NRF1: variants seen among roughly 807,000 people sequenced by gnomAD.
The protein encoded by NRF1 is alpha palindromic-binding protein.
In NRF1, 5 loss-of-function variants were observed where a neutral mutation model predicts 58.5. The observed-to-expected ratio is 0.09, with a 90% CI of 0.04 to 0.18. NRF1 has a LOEUF of 0.18. NRF1 is among the 10% of genes least tolerant of loss of function. The probability of loss-of-function intolerance (pLI) is 1.00; values close to 1 mark genes in which losing one functional copy is unlikely to be tolerated. For synonymous variants in NRF1, 224 were observed against 246.7 expected (o/e 0.91, Z 0.86); for missense variants, 288 against 657.7 (o/e 0.44, Z 6.15).
At position 129,673,169 on chromosome 7, in the gene NRF1, A is replaced by G. The variant is rs112331058; in HGVS notation, c.338+1626A>G. Among the ~76,000 whole-genome samples the G allele has an allele frequency of 6.1e-3, 935 of 152,312 alleles. 7 individuals carry two copies. Among genetic ancestry groups the G allele is most frequent in the African/African-American group, 0.021 (886 of 41,568 alleles). On this transcript the variant is annotated intron_variant, in intron 3 of 10. Coordinates refer to ENST00000393232, the MANE Select transcript of NRF1 (RefSeq NM_005011.5). ...TATTAGATTTAGTAACATGGAGTTC[A>G]TGATTGAACTTGACAAGAGTATATT...
chr7:129,668,432 A>G (rs772398002), intron 2 of NRF1, among the ~76,000 whole-genome samples: 8 of 152,208 alleles, frequency 5.3e-5, no homozygotes, highest in Non-Finnish European at 1.2e-4. Context: ...TGTTTTGGCT[A>G]TTTTTGGCCA....
chr7:129,635,526 A>G (rs182512760), intron 1 of NRF1, among the ~76,000 whole-genome samples: 12 of 152,314 alleles, frequency 7.9e-5, no homozygotes, highest in East Asian at 5.8e-4. Flanking sequence ...CAGAATATCA[A>G]TAGATTCTGT....
intron 2 of NRF1, among the ~76,000 whole-genome samples, chr7:129,658,591 C>T (rs1426099681): frequency 7.0e-6 from 1 of 142,608 alleles, no homozygotes; most frequent in African/African-American, 2.6e-5. Flanking sequence ...AGCCTGTGTC[C>T]AGTTGAAAAA....
chr7:129,694,495 G>C (rs1241793254), intron 5 of NRF1, among the ~76,000 whole-genome samples: 2 of 152,134 alleles, frequency 1.3e-5, no homozygotes, highest in African/African-American at 2.4e-5. Flanking sequence ...CTCCTGAGTA[G>C]CTGGGACTAC....
intron 4 of NRF1, 76 bp from the exon 5 acceptor site, chr7:129,690,330 C>A (rs545104361): frequency 3.3e-6 from 5 of 1,496,658 alleles, no homozygotes; most frequent in Non-Finnish European, 4.6e-6. Context: ...CAGCCCCACC[C>A]ACTCTCTTGT....
intron 10 of NRF1, among the ~76,000 whole-genome samples, chr7:129,738,319 G>A (rs1012125264): frequency 9.9e-5 from 15 of 152,236 alleles, no homozygotes; most frequent in South Asian, 2.1e-4. Context: ...AGTATGCAGC[G>A]TTGCCTGTGG....
chr7:129,699,540 C>T (rs537233886), intron 5 of NRF1, among the ~76,000 whole-genome samples: 2 of 151,798 alleles, frequency 1.3e-5, no homozygotes, highest in South Asian at 4.2e-4. Context: ...ATGGTGAAAC[C>T]CCGTCTCTAC....
At chr7:129,749,635 GAA>G (rs1459289567) in intron 10 of NRF1, among the ~76,000 whole-genome samples, 1 of 152,076 alleles carries the variant, frequency 6.6e-6, no homozygotes, top group Non-Finnish European at 1.5e-5. Flanking sequence ...AGCTTGAGAA[GAA>G]AAGCAGCAGG....
intron 5 of NRF1, among the ~76,000 whole-genome samples, chr7:129,704,089 A>G (rs1168574265): frequency 1.4e-5 from 2 of 142,298 alleles, no homozygotes; most frequent in Non-Finnish European, 3.1e-5. Context: ...GAAACAGTGC[A>G]TGTGCGAGAG....
chr7:129,613,082 A>G (rs556463877), intron 1 of NRF1, among the ~76,000 whole-genome samples: 23 of 152,336 alleles, frequency 1.5e-4, no homozygotes, highest in African/African-American at 5.3e-4. Context: ...GAGACTGCGT[A>G]TTGAGAGACG....
At chr7:129,648,522 G>T (rs1483598394) in intron 1 of NRF1, among the ~76,000 whole-genome samples, 1 of 151,872 alleles carries the variant, frequency 6.6e-6, no homozygotes, top group Admixed American at 6.6e-5. Flanking sequence ...CTCGTGATCC[G>T]CCCTTCTCAG....
At chr7:129,669,730 A>G (rs1024373475) in intron 2 of NRF1, among the ~76,000 whole-genome samples, 3 of 152,208 alleles carry the variant, frequency 2.0e-5, no homozygotes, top group African/African-American at 4.8e-5. Flanking sequence ...ACCCTTATAT[A>G]CTATAGGTGG....
At chr7:129,709,735 T>TTC in intron 6 of NRF1, among the ~76,000 whole-genome samples, 1 of 148,408 alleles carries the variant, frequency 6.7e-6, no homozygotes, top group African/African-American at 2.5e-5. Context: ...CTTTCTTTTT[T>TTC]TTTTTTTTTT....
intron 9 of NRF1, among the ~76,000 whole-genome samples, chr7:129,724,711 G>A (rs1176794165): frequency 5.9e-5 from 9 of 152,156 alleles, no homozygotes; most frequent in Admixed American, 3.9e-4. Flanking sequence ...CAAATGCTAC[G>A]ATGTGGATGA....
chr7:129,665,759 C>T (rs1373503634), intron 2 of NRF1, among the ~76,000 whole-genome samples: 1 of 152,064 alleles, frequency 6.6e-6, no homozygotes, highest in Admixed American at 6.5e-5. Context: ...TGGACAGGTG[C>T]ACGCCACCAT....
At chr7:129,623,079 A>C (rs1296437536) in intron 1 of NRF1, among the ~76,000 whole-genome samples, 1 of 152,208 alleles carries the variant, frequency 6.6e-6, no homozygotes, top group Non-Finnish European at 1.5e-5. Flanking sequence ...TGCTGAGGTA[A>C]GGGTAACTTG....
chr7:129,663,838 T>C (rs986643291), intron 2 of NRF1, among the ~76,000 whole-genome samples: 5 of 152,060 alleles, frequency 3.3e-5, no homozygotes, highest in African/African-American at 7.2e-5. Flanking sequence ...CTGGGCAACA[T>C]TGAGCATTGA....
chr7:129,738,727 A>G (rs1468702194), intron 10 of NRF1, among the ~76,000 whole-genome samples: 3 of 152,076 alleles, frequency 2.0e-5, no homozygotes, highest in African/African-American at 7.3e-5. Flanking sequence ...GCATTATTCT[A>G]CCTTCACCCA....
chr7:129,640,697 G>A (rs1801270753), intron 1 of NRF1, among the ~76,000 whole-genome samples: 1 of 152,148 alleles, frequency 6.6e-6, no homozygotes, highest in African/African-American at 2.4e-5. Context: ...TGATGGAGCA[G>A]CTGGAACACT....
Sources: gnomAD v4.1 joint callset for allele counts (sites outside exome capture counted in the v4.1 genomes callset) on GRCh38, gnomAD v4.1.1 for gene constraint, MANE v1.5 for transcripts, NCBI Gene and HGNC (gene_info 2026-07-23, HGNC 2026-07-21) for gene names.